Variants in ZC3H12B observed in about 807,000 individuals in gnomAD.
The protein encoded by ZC3H12B is zinc finger CCCH-type containing 12B, also known as probable ribonuclease ZC3H12B.
A neutral mutation model predicts 43.9 loss-of-function variants in ZC3H12B; 7 were observed. That is an observed-to-expected ratio of 0.16 (90% CI 0.09 to 0.30). The LOEUF is 0.30. Ranked by LOEUF, ZC3H12B falls within the 10% of genes least tolerant of loss-of-function variation. ZC3H12B has a pLI of 1.00. For missense variants in ZC3H12B, 475 were observed against 670.2 expected (o/e 0.71, Z 3.22); for synonymous variants, 222 against 241.7 (o/e 0.92, Z 0.76).
the ZC3H12B span, among the ~76,000 whole-genome samples, chrX:65,099,466 A>G: frequency 1.3e-4 from 14 of 111,660 alleles, no homozygotes; most frequent in Non-Finnish European, 2.4e-4. Context: ...CAGACACCTC[A>G]TACAGGAGAG....
chrX:65,340,510 C>G, the ZC3H12B span, among the ~76,000 whole-genome samples: 1 of 111,890 alleles, frequency 8.9e-6, no homozygotes, highest in South Asian at 3.7e-4. Flanking sequence ...CAGTGGGTTT[C>G]TAACCTCAAG....
intron 3 of ZC3H12B, among the ~76,000 whole-genome samples, chrX:65,435,746 C>T (rs1038973622): frequency 9.0e-6 from 1 of 110,984 alleles, no homozygotes; most frequent in African/African-American, 3.3e-5. Context: ...AATGGGCTCA[C>T]ACTATTAAGG....
the ZC3H12B span, among the ~76,000 whole-genome samples, chrX:65,311,714 A>G: frequency 3.6e-5 from 4 of 111,722 alleles, no homozygotes; most frequent in African/African-American, 9.8e-5. Context: ...TTGTGGCCCT[A>G]TTCACAATAG....
rs1193148354 is a variant in ZC3H12B, at chrX:65,371,676, T to G, written n.295+2678T>G. Reference sequence around the variant, plus strand: ...GTACAAATAAAATATTAATGCATCTTTCAGAGCTCTAGACATTATGAAAGA... The same window carrying G: ...GTACAAATAAAATATTAATGCATCTGTCAGAGCTCTAGACATTATGAAAGA... On this transcript the variant is annotated intron_variant and non_coding_transcript_variant, in intron 2 of 5. Transcript: ENST00000617377. 2.7e-5 allele frequency among the ~76,000 whole-genome samples: 3 copies of G among 112,327 alleles called. No individual in the cohort carries two copies. In the Admixed American group the frequency reaches 2.8e-4, roughly 11 times the overall value.
At chrX:65,070,816 G>GTTTTTT in the ZC3H12B span, among the ~76,000 whole-genome samples, 27 of 55,988 alleles carry the variant, frequency 4.8e-4, no homozygotes, top group Middle Eastern at 0.013. Context: ...TATGATTTCT[G>GTTTTTT]TTTTTTTTTT....
the ZC3H12B span, among the ~76,000 whole-genome samples, chrX:65,222,645 AAT>A: frequency 1.9e-5 from 2 of 104,210 alleles, no homozygotes; most frequent in Admixed American, 2.1e-4. Context: ...TAATAATAAT[AAT>A]AATAAAACAC....
At chrX:65,454,691 C>T (rs1226087313) in intron 3 of ZC3H12B, among the ~76,000 whole-genome samples, 1 of 111,805 alleles carries the variant, frequency 8.9e-6, no homozygotes. Context: ...TCAAGTTGGT[C>T]CCAGACCCCC....
the ZC3H12B span, among the ~76,000 whole-genome samples, chrX:65,091,191 T>A: frequency 6.3e-5 from 7 of 111,911 alleles, no homozygotes; most frequent in South Asian, 7.5e-4. Flanking sequence ...CAGAAGGAGA[T>A]GTGTGATCAA....
At chrX:65,114,243 T>G in the ZC3H12B span, among the ~76,000 whole-genome samples, 8 of 107,626 alleles carry the variant, frequency 7.4e-5, no homozygotes, top group Non-Finnish European at 1.3e-4. Context: ...TGTTCTAAAT[T>G]TGATATCAGT....
chrX:65,135,820 T>C, the ZC3H12B span, among the ~76,000 whole-genome samples: 374 of 107,517 alleles, frequency 3.5e-3, no homozygotes, highest in Non-Finnish European at 5.2e-3. Flanking sequence ...CATCATCCTC[T>C]TCATTCTGTT....
chrX:65,321,898 A>C, the ZC3H12B span, among the ~76,000 whole-genome samples: 1 of 110,850 alleles, frequency 9.0e-6, no homozygotes, highest in African/African-American at 3.3e-5. Flanking sequence ...TTAGGGGTGT[A>C]GGGAGGGAGG....
chrX:65,251,951 G>A, the ZC3H12B span, among the ~76,000 whole-genome samples: 1 of 111,516 alleles, frequency 9.0e-6, no homozygotes, highest in South Asian at 3.8e-4. Flanking sequence ...TGATTGCCCT[G>A]GCCAGAACTT....
At chrX:65,226,768 A>G in the ZC3H12B span, among the ~76,000 whole-genome samples, 8 of 111,546 alleles carry the variant, frequency 7.2e-5, no homozygotes, top group South Asian at 1.9e-3. Flanking sequence ...AACAACAAAG[A>G]TCAAAAGAGA....
the ZC3H12B span, among the ~76,000 whole-genome samples, chrX:65,315,561 C>T: frequency 9.0e-6 from 1 of 111,271 alleles, no homozygotes; most frequent in East Asian, 2.8e-4. Flanking sequence ...TGAGCCTAGG[C>T]CCCGTAAAAT....
upstream of ZC3H12B, among the ~76,000 whole-genome samples, chrX:65,486,423 C>A (rs1205377674): frequency 8.9e-6 from 1 of 112,073 alleles, no homozygotes; most frequent in Non-Finnish European, 1.9e-5. Flanking sequence ...CACTCAGGGA[C>A]TGTTCTTTAG....
At position 65,443,855 on chromosome X, in the gene ZC3H12B, G is replaced by A. The variant is rs1261246132; in HGVS notation, n.408-44791G>A. On this transcript the variant is annotated intron_variant and non_coding_transcript_variant, in intron 3 of 5. Coordinates refer to the ZC3H12B transcript ENST00000617377. ...TGGGGGACTTGCTCCCAACACCTAG[G>A]TATCTATTTCCATCATTTTATTTTT... Among the ~76,000 whole-genome samples, 3 of 112,477 alleles carry A rather than the reference G, an allele frequency of 2.7e-5. 1 individual carries two copies. Among genetic ancestry groups the A allele is most frequent in the Middle Eastern group, 9.2e-3 (2 of 218 alleles).
At chrX:65,465,358 T>A (rs2067803698) in intron 3 of ZC3H12B, among the ~76,000 whole-genome samples, 5 of 111,551 alleles carry the variant, frequency 4.5e-5, no homozygotes. Context: ...AAAGTGCCAC[T>A]TTTTTTCTCT....
the ZC3H12B span, chrX:65,356,991 G>C: frequency 2.0e-6 from 1 of 500,734 alleles, no homozygotes; most frequent in East Asian, 3.8e-5. Context: ...TCCTCTCATG[G>C]TGTATAAAAT....
rs750657307 is a variant in ZC3H12B at position 65,402,329 on chromosome X, T to C, written n.407+3625T>C. ...GAACACAAGGTAGACTTCTAAGTTT[T>C]GTCACTCTATTTCCTGACTCCTAGA... On this transcript the variant is annotated intron_variant and non_coding_transcript_variant, in intron 3 of 5. Transcript: ENST00000617377. Among the ~76,000 whole-genome samples the C allele has an allele frequency of 3.6e-5, 4 of 111,985 alleles. No homozygotes were observed. In the Admixed American group the frequency reaches 3.8e-4, roughly 11 times the overall value.
Sources: allele counts gnomAD v4.1 joint callset (sites outside exome capture counted in the v4.1 genomes callset), GRCh38; gene constraint gnomAD v4.1.1; transcripts MANE v1.5; gene names NCBI Gene and HGNC (gene_info 2026-07-23, HGNC 2026-07-21).